PEAK1: variants seen among roughly 807,000 people sequenced by gnomAD.
The protein encoded by PEAK1 is pseudopodium enriched atypical kinase 1.
Under a neutral mutation model 124.7 loss-of-function variants are expected in PEAK1, and 54 were observed. That is an observed-to-expected ratio of 0.43 (90% CI 0.35 to 0.54). The LOEUF (loss-of-function observed/expected upper bound fraction) is 0.54. PEAK1 is among the 20% of genes least tolerant of loss of function. The pLI, the probability that PEAK1 is intolerant of heterozygous loss-of-function variation, is 0.01. For missense variants in PEAK1, 2,046 were observed against 2,134.5 expected, an observed-to-expected ratio of 0.96 and a Z score of 0.82; for synonymous variants, 719 against 760.0, an observed-to-expected ratio of 0.95 and a Z score of 0.89.
At chr15:77,118,940 G>GA (rs986257966) in intron 9 of PEAK1, among the ~76,000 whole-genome samples, 2 of 91,084 alleles carry the variant, frequency 2.2e-5, no homozygotes, top group Admixed American at 1.1e-4. Context: ...TGAAAGGCAA[G>GA]AAAAAATGCT....
chr15:77,385,382 CT>C (rs1402454008), intron 1 of PEAK1, among the ~76,000 whole-genome samples: 1 of 152,100 alleles, frequency 6.6e-6, no homozygotes, highest in Non-Finnish European at 1.5e-5. Flanking sequence ...TAAAGCCATT[CT>C]AAAATTTTCC....
At chr15:77,142,699 A>G (rs934111280) in intron 8 of PEAK1, among the ~76,000 whole-genome samples, 2 of 152,238 alleles carry the variant, frequency 1.3e-5, no homozygotes, top group Non-Finnish European at 2.9e-5. Flanking sequence ...AAAACCTTGA[A>G]AACATTATGC....
intron 6 of PEAK1, among the ~76,000 whole-genome samples, chr15:77,192,363 C>T (rs564082646): frequency 7.9e-4 from 120 of 152,266 alleles, no homozygotes; most frequent in African/African-American, 2.6e-3. Flanking sequence ...CCAGGGCATT[C>T]GAGAACTCCA....
At chr15:77,411,833 A>G (rs555215295) in intron 1 of PEAK1, among the ~76,000 whole-genome samples, 1 of 152,078 alleles carries the variant, frequency 6.6e-6, no homozygotes, top group Admixed American at 6.5e-5. Context: ...GCTGGTCTCA[A>G]ATTCCTGGCC....
chr15:77,139,042 G>A (rs1370290613), intron 8 of PEAK1, among the ~76,000 whole-genome samples: 1 of 152,062 alleles, frequency 6.6e-6, no homozygotes, highest in African/African-American at 2.4e-5. Context: ...AGTCTTTGTA[G>A]ATGTAATCAA....
chr15:77,382,104 T>C (rs1426668429), intron 1 of PEAK1, among the ~76,000 whole-genome samples: 1 of 152,166 alleles, frequency 6.6e-6, no homozygotes, highest in Non-Finnish European at 1.5e-5. Context: ...CTCTCACTCA[T>C]ACCCTCCCTC....
At chr15:77,338,385 T>C (rs2066325994) in intron 2 of PEAK1, among the ~76,000 whole-genome samples, 1 of 152,192 alleles carries the variant, frequency 6.6e-6, no homozygotes, top group African/African-American at 2.4e-5. Flanking sequence ...GCACAGATTA[T>C]CTGATGAAAT....
chr15:77,241,730 T>TA (rs1045473648), intron 6 of PEAK1, among the ~76,000 whole-genome samples: 9 of 148,496 alleles, frequency 6.1e-5, no homozygotes, highest in South Asian at 2.1e-4. Flanking sequence ...CAGCTCCAAA[T>TA]AAAAAAAAAA....
At chr15:77,260,913 C>A (rs2061406992) in intron 5 of PEAK1, among the ~76,000 whole-genome samples, 1 of 152,202 alleles carries the variant, frequency 6.6e-6, no homozygotes, top group African/African-American at 2.4e-5. Context: ...GGGTACTCCT[C>A]TGAGACAAAC....
intron 5 of PEAK1, among the ~76,000 whole-genome samples, chr15:77,280,881 G>T (rs1023940603): frequency 1.1e-4 from 16 of 152,084 alleles, no homozygotes; most frequent in African/African-American, 3.9e-4. Flanking sequence ...TTTCCTGGCT[G>T]GGCATGGTGG....
chr15:77,391,906 TA>T (rs1004001155), intron 1 of PEAK1, among the ~76,000 whole-genome samples: 2 of 152,194 alleles, frequency 1.3e-5, no homozygotes, highest in African/African-American at 4.8e-5. Context: ...TGTAAGTTCT[TA>T]AAAAGTGATA....
intron 8 of PEAK1, among the ~76,000 whole-genome samples, chr15:77,145,541 C>T (rs1261418064): frequency 6.6e-6 from 1 of 152,062 alleles, no homozygotes; most frequent in Non-Finnish European, 1.5e-5. Context: ...GTAATCATTA[C>T]AGTCTTAGGG....
rs398028029 is a variant in PEAK1, at chr15:77,247,485, C to CTTTTT, written c.-115+4877_-115+4881dup. On this transcript the variant is annotated intron_variant, in intron 6 of 9. Coordinates refer to ENST00000682557, the MANE Select transcript of PEAK1 (RefSeq NM_001385026.1). ...TTTTTTCTCTTTTTTCTTTTCTTTTCTTTTTTTTTTTTTTTTTTTTTGAGA... is the reference window on the plus strand; with the variant it reads ...TTTTTTCTCTTTTTTCTTTTCTTTTCTTTTTTTTTTTTTTTTTTTTTTTTTTGAGA... Among the ~76,000 whole-genome samples the CTTTTT allele has an allele frequency of 3.7e-3, 309 of 84,296 alleles. 2 individuals are homozygous for CTTTTT. The highest frequency in any genetic ancestry group is 8.7e-3 in the African/African-American group (183 of 21,118). The allele number at this position is 84,296 out of a possible 152,430, so 55.3% of individuals were successfully genotyped here.
chr15:77,404,149 A>G, intron 1 of PEAK1: 1 of 985,424 alleles, frequency 1.0e-6, no homozygotes, highest in Non-Finnish European at 1.2e-6. Context: ...ATGAAGGTCC[A>G]TAAATATAGA....
chr15:77,235,559 G>C (rs2060083243), intron 6 of PEAK1, among the ~76,000 whole-genome samples: 1 of 152,170 alleles, frequency 6.6e-6, no homozygotes, highest in South Asian at 2.1e-4. Flanking sequence ...AGAAGAAGCA[G>C]AGCATAAAGG....
intron 1 of PEAK1, among the ~76,000 whole-genome samples, chr15:77,411,438 A>G (rs1211815237): frequency 6.6e-6 from 1 of 152,212 alleles, no homozygotes; most frequent in East Asian, 1.9e-4. Flanking sequence ...CTCCGAAACT[A>G]ATGTTAACAT....
At chr15:77,280,015 G>A (rs74025105) in intron 5 of PEAK1, among the ~76,000 whole-genome samples, 33,782 of 152,004 alleles carry the variant, frequency 0.22, 4,209 homozygotes, top group Middle Eastern at 0.3. Flanking sequence ...GTATGGATCC[G>A]AACATGTGTT....
chr15:77,220,672 C>T (rs2059347642), intron 6 of PEAK1, among the ~76,000 whole-genome samples: 1 of 151,906 alleles, frequency 6.6e-6, no homozygotes, highest in Non-Finnish European at 1.5e-5. Context: ...GTCTTTTTAT[C>T]TTGCAATTAA....
At chr15:77,367,393 T>G (rs2068325631) in intron 1 of PEAK1, among the ~76,000 whole-genome samples, 1 of 152,218 alleles carries the variant, frequency 6.6e-6, no homozygotes, top group African/African-American at 2.4e-5. Context: ...AAGAATTGAC[T>G]GCAAAGGGGC....
Sources: gnomAD v4.1 joint callset for allele counts (sites outside exome capture counted in the v4.1 genomes callset) on GRCh38, gnomAD v4.1.1 for gene constraint, MANE v1.5 for transcripts, NCBI Gene and HGNC (gene_info 2026-07-23, HGNC 2026-07-21) for gene names.